PARP16: variants seen among roughly 807,000 people sequenced by gnomAD.
PARP16 encodes poly(ADP-ribose) polymerase family member 16.
Under a neutral mutation model 35.0 loss-of-function variants are expected in PARP16, and 31 were observed. The ratio of observed to expected loss-of-function variants is 0.88; its 90% CI spans 0.66 to 1.19. The LOEUF is 1.19. PARP16 is among the 50% of genes most tolerant of loss of function. PARP16 has a pLI of 0.00. For synonymous variants in PARP16, 162 were observed against 169.5 expected, an observed-to-expected ratio of 0.96 and a Z score of 0.34; for missense variants, 424 against 411.2, an observed-to-expected ratio of 1.03 and a Z score of -0.27.
chr15:65,239,679 CAG>C (rs2088997167), intron 3 of PARP16, among the ~76,000 whole-genome samples: 1 of 141,874 alleles, frequency 7.0e-6, no homozygotes, highest in Non-Finnish European at 1.5e-5. Flanking sequence ...TTTTTTGAGG[CAG>C]AGTCTTGCTC....
intron 3 of PARP16, among the ~76,000 whole-genome samples, chr15:65,240,312 T>TGTG (rs1567008503): frequency 0.04 from 4,127 of 102,222 alleles, 115 homozygotes; most frequent in Middle Eastern, 0.066. Flanking sequence ...GTGTGTGTGG[T>TGTG]GGGGGGGGCT....
At chr15:65,235,068 C>G (rs1244137887) in intron 3 of PARP16, among the ~76,000 whole-genome samples, 2 of 152,158 alleles carry the variant, frequency 1.3e-5, no homozygotes, top group Middle Eastern at 3.4e-3. Context: ...ATGGGTGCAG[C>G]ACACCAACAT....
intron 1 of PARP16, among the ~76,000 whole-genome samples, chr15:65,275,999 A>G (rs1373984705): frequency 6.6e-6 from 1 of 152,144 alleles, no homozygotes; most frequent in African/African-American, 2.4e-5. Context: ...GGTGCCTTTC[A>G]GGGACTCAGT....
At chr15:65,239,149 T>A (rs1235396941) in intron 3 of PARP16, among the ~76,000 whole-genome samples, 1 of 151,474 alleles carries the variant, frequency 6.6e-6, no homozygotes, top group Admixed American at 6.6e-5. Context: ...AAAGGAAGGC[T>A]GGGTGCGGTG....
intron 2 of PARP16, among the ~76,000 whole-genome samples, chr15:65,250,187 A>G (rs1271241704): frequency 7.2e-6 from 1 of 139,848 alleles, no homozygotes; most frequent in Non-Finnish European, 1.5e-5. Context: ...GTGCGACCTC[A>G]GCTCACTGCA....
Position 65,278,613 on chromosome 15 carries a change from A to G in PARP16, c.175-7541T>C, listed in dbSNP as rs1031923739. 3.3e-5 allele frequency among the ~76,000 whole-genome samples: 5 copies of G among 152,310 alleles called. No homozygotes were observed. The East Asian group carries it at 9.6e-4, about 29-fold the overall frequency. On this transcript the variant is annotated intron_variant, in intron 1 of 5. Transcript: ENST00000649807. Reference sequence around the variant, plus strand: ...AACCTCCTTGCTTGGAGCAGGAGCAATCACTTAGATCACAAGCTCCTGGGG... The same window carrying G: ...AACCTCCTTGCTTGGAGCAGGAGCAGTCACTTAGATCACAAGCTCCTGGGG...
chr15:65,262,389 C>T (rs535192988), intron 4 of PARP16, among the ~76,000 whole-genome samples: 4 of 152,320 alleles, frequency 2.6e-5, no homozygotes, highest in South Asian at 4.1e-4. Context: ...GACTTGGCCT[C>T]CCAAAGTGCT....
At chr15:65,244,408 A>T (rs913062228) in intron 3 of PARP16, among the ~76,000 whole-genome samples, 1 of 152,206 alleles carries the variant, frequency 6.6e-6, no homozygotes, top group Non-Finnish European at 1.5e-5. Context: ...ATCATGGCGG[A>T]AGATGAAGGA....
chr15:65,234,956 C>T (rs1451152600), intron 3 of PARP16: 1 of 152,104 alleles, frequency 6.6e-6, no homozygotes, highest in Non-Finnish European at 1.5e-5. Flanking sequence ...CAAGACCATC[C>T]TGGCTAATAT....
intron 3 of PARP16, among the ~76,000 whole-genome samples, chr15:65,243,755 T>C (rs2089139139): frequency 6.6e-6 from 1 of 152,180 alleles, no homozygotes; most frequent in Non-Finnish European, 1.5e-5. Context: ...GGTTTTTAAC[T>C]ATTATATAAA....
Position 65,286,451 on chromosome 15 carries a change from G to A in PARP16, c.-25C>T. On this transcript the variant is annotated 5_prime_UTR_variant, in exon 1 of 6. Transcript: ENST00000649807. ...TCCCAGGTCACTGCGCGTTGCCGGG[G>A]TAGACGCGCTGGTTAGGGGCAAGGG... 2 of 1,447,126 alleles carry A rather than the reference G, an allele frequency of 1.4e-6. No homozygotes were observed. Among genetic ancestry groups the A allele is most frequent in the Non-Finnish European group, 1.8e-6 (2 of 1,102,088 alleles). 89.6% of individuals were successfully genotyped at this position (1,447,126 alleles called of 1,614,324 possible).
chr15:65,280,817 G>GA (rs1451604928), intron 1 of PARP16, among the ~76,000 whole-genome samples: 3 of 152,164 alleles, frequency 2.0e-5, no homozygotes, highest in Non-Finnish European at 4.4e-5. Flanking sequence ...AAAAAAAAGA[G>GA]AAAGACTCCT....
chr15:65,278,228 C>T (rs2090315115), intron 1 of PARP16, among the ~76,000 whole-genome samples: 1 of 152,246 alleles, frequency 6.6e-6, no homozygotes, highest in Non-Finnish European at 1.5e-5. Flanking sequence ...CATTAGTCGT[C>T]TAAGGCCAAC....
intron 2 of PARP16, among the ~76,000 whole-genome samples, chr15:65,269,258 G>A (rs1173135138): frequency 1.3e-5 from 2 of 148,742 alleles, no homozygotes; most frequent in African/African-American, 5.0e-5. Context: ...GTGCAGTGGC[G>A]GCATCTTGGC....
intron 1 of PARP16, among the ~76,000 whole-genome samples, chr15:65,277,348 C>A (rs2090289440): frequency 6.6e-6 from 1 of 152,044 alleles, no homozygotes; most frequent in Admixed American, 6.5e-5. Flanking sequence ...GGTACCTGAC[C>A]CTCTGGGGCC....
At chr15:65,235,403 G>A (rs1229359277) in intron 3 of PARP16, among the ~76,000 whole-genome samples, 1 of 152,178 alleles carries the variant, frequency 6.6e-6, no homozygotes, top group Non-Finnish European at 1.5e-5. Context: ...AGCCACGGAT[G>A]TCACACAGCA....
At chr15:65,245,119 G>C (rs972680354) in intron 3 of PARP16, among the ~76,000 whole-genome samples, 1 of 152,246 alleles carries the variant, frequency 6.6e-6, no homozygotes, top group Non-Finnish European at 1.5e-5. Context: ...ACTGGCAGCT[G>C]CTCCTCAGTA....
downstream of PARP16, among the ~76,000 whole-genome samples, chr15:65,256,654 G>A (rs570963932): frequency 4.6e-5 from 7 of 152,070 alleles, no homozygotes; most frequent in Admixed American, 2.0e-4. Flanking sequence ...TGATCCTCCC[G>A]TCTCGGCCTC....
At chr15:65,273,258 C>G (rs894083019) in intron 1 of PARP16, among the ~76,000 whole-genome samples, 187 of 82,184 alleles carry the variant, frequency 2.3e-3, no homozygotes, top group Non-Finnish European at 3.2e-3. Context: ...AGCCTGGTGA[C>G]AGAGAGAGAC....
Sources: gnomAD v4.1 joint callset for allele counts (sites outside exome capture counted in the v4.1 genomes callset) on GRCh38, gnomAD v4.1.1 for gene constraint, MANE v1.5 for transcripts, NCBI Gene and HGNC (gene_info 2026-07-23, HGNC 2026-07-21) for gene names.